TMEM132D: variants seen among roughly 807,000 people sequenced by gnomAD.
TMEM132D encodes the protein mature OL transmembrane protein.
A neutral mutation model predicts 62.3 loss-of-function variants in TMEM132D; 21 were observed. The ratio of observed to expected loss-of-function variants is 0.34; its 90% CI spans 0.24 to 0.49. TMEM132D has a LOEUF of 0.49. Ranked by LOEUF, TMEM132D falls within the 20% of genes least tolerant of loss-of-function variation. The probability of loss-of-function intolerance (pLI) is 0.99; values close to 1 mark genes in which losing one functional copy is unlikely to be tolerated. For synonymous variants in TMEM132D, 621 were observed against 575.6 expected, an observed-to-expected ratio of 1.08 and a Z score of -1.13; for missense variants, 1,346 against 1,402.8, an observed-to-expected ratio of 0.96 and a Z score of 0.65.
rs1428487088 is a variant in TMEM132D, at chr12:129,093,726, A to C, written c.1444-9024T>G. 2.0e-5 allele frequency among the ~76,000 whole-genome samples: 3 copies of C among 152,338 alleles called. No individual in the cohort carries two copies. The East Asian group carries it at 5.8e-4, about 29-fold the overall frequency. On this transcript the variant is annotated intron_variant, in intron 5 of 8. Coordinates refer to ENST00000422113, the MANE Select transcript of TMEM132D (RefSeq NM_133448.3). ...AACCAAAAAAGAGCCCGCATCACCAAGTCAATCCTAAGCCAAAAGAATGAA... is the reference window on the plus strand; with the variant it reads ...AACCAAAAAAGAGCCCGCATCACCACGTCAATCCTAAGCCAAAAGAATGAA...
intron 3 of TMEM132D, among the ~76,000 whole-genome samples, chr12:129,367,270 C>T (rs1870444696): frequency 6.6e-6 from 1 of 152,148 alleles, no homozygotes; most frequent in Admixed American, 6.5e-5. Flanking sequence ...GTCTGTCTGT[C>T]TATCCATCTA....
intron 4 of TMEM132D, among the ~76,000 whole-genome samples, chr12:129,273,961 A>T (rs1214210147): frequency 1.3e-5 from 2 of 151,804 alleles, no homozygotes; most frequent in Admixed American, 1.3e-4. Context: ...TTCAGGAGTC[A>T]ATATGTTTTT....
chr12:129,755,194 T>C (rs1436557730), intron 1 of TMEM132D, among the ~76,000 whole-genome samples: 1 of 152,202 alleles, frequency 6.6e-6, no homozygotes, highest in Non-Finnish European at 1.5e-5. Flanking sequence ...CATTAACTAG[T>C]GTTGCAGCTA....
At chr12:129,333,226 A>G (rs984222242) in intron 4 of TMEM132D, among the ~76,000 whole-genome samples, 5 of 152,246 alleles carry the variant, frequency 3.3e-5, no homozygotes, top group East Asian at 1.9e-4. Context: ...GGGTATCACT[A>G]TGCATAGCAA....
intron 2 of TMEM132D, among the ~76,000 whole-genome samples, chr12:129,531,732 C>T (rs917848693): frequency 3.9e-5 from 6 of 152,190 alleles, no homozygotes; most frequent in Non-Finnish European, 8.8e-5. Context: ...ATGATGGCCT[C>T]AAGTGATCCA....
At chr12:129,274,350 T>C (rs771855389) in intron 4 of TMEM132D, among the ~76,000 whole-genome samples, 3 of 152,174 alleles carry the variant, frequency 2.0e-5, no homozygotes, top group Non-Finnish European at 2.9e-5. Context: ...AGTTAGCACA[T>C]GGATAGTGCA....
chr12:129,848,162 C>G (rs1221348983), intron 1 of TMEM132D, among the ~76,000 whole-genome samples: 2 of 152,318 alleles, frequency 1.3e-5, no homozygotes, highest in Middle Eastern at 3.4e-3. Context: ...CCTCTCTGAA[C>G]CAAGGGTGCG....
intron 3 of TMEM132D, among the ~76,000 whole-genome samples, chr12:129,518,687 G>C (rs974276918): frequency 2.0e-5 from 3 of 151,978 alleles, no homozygotes; most frequent in African/African-American, 7.3e-5. Context: ...TAAATTGAGA[G>C]CATTTCCTCA....
chr12:129,200,129 A>G (rs1878660467), intron 5 of TMEM132D, among the ~76,000 whole-genome samples: 1 of 152,090 alleles, frequency 6.6e-6, no homozygotes, highest in African/African-American at 2.4e-5. Context: ...TTGGATCTCC[A>G]CTTAATGGAG....
chr12:129,291,930 T>C (rs1881459777), intron 4 of TMEM132D, among the ~76,000 whole-genome samples: 1 of 151,864 alleles, frequency 6.6e-6, no homozygotes, highest in African/African-American at 2.4e-5. Context: ...ATCAGAAGGA[T>C]AGAATACATG....
chr12:129,554,073 G>A lies in TMEM132D; in HGVS notation c.969-22868C>T, dbSNP rs543179994. On this transcript the variant is annotated intron_variant, in intron 2 of 8. Transcript: ENST00000422113. ...GTTTCTCCTCAACTAGGTATATGTCGGAATTCCTGTCTTCTCCATACTCCC... is the reference window on the plus strand; with the variant it reads ...GTTTCTCCTCAACTAGGTATATGTCAGAATTCCTGTCTTCTCCATACTCCC... 4.3e-4 allele frequency among the ~76,000 whole-genome samples: 66 copies of A among 152,108 alleles called. 1 individual carries two copies. In the South Asian group the frequency reaches 6.0e-3, roughly 14 times the overall value.
At chr12:129,526,569 C>T (rs959345884) in intron 3 of TMEM132D, among the ~76,000 whole-genome samples, 4 of 152,194 alleles carry the variant, frequency 2.6e-5, no homozygotes, top group African/African-American at 9.7e-5. Flanking sequence ...AGGCATGAGC[C>T]ACCACTCCCA....
intron 1 of TMEM132D, among the ~76,000 whole-genome samples, chr12:129,785,349 T>G (rs1310792801): frequency 6.6e-6 from 1 of 152,210 alleles, no homozygotes; most frequent in African/African-American, 2.4e-5. Flanking sequence ...CTGGGTTTGA[T>G]GTTTGCATTT....
intron 3 of TMEM132D, among the ~76,000 whole-genome samples, chr12:129,347,121 G>A (rs1431258087): frequency 6.6e-6 from 1 of 152,148 alleles, no homozygotes; most frequent in African/African-American, 2.4e-5. Flanking sequence ...TCGTGAAAAT[G>A]GCCATGCTGC....
At chr12:129,367,013 A>G (rs1438716079) in intron 3 of TMEM132D, among the ~76,000 whole-genome samples, 1 of 152,216 alleles carries the variant, frequency 6.6e-6, no homozygotes, top group Non-Finnish European at 1.5e-5. Context: ...AGCCTCTGAG[A>G]CAACGAATGG....
intron 1 of TMEM132D, among the ~76,000 whole-genome samples, chr12:129,736,696 G>A (rs1319098387): frequency 1.3e-5 from 2 of 151,968 alleles, no homozygotes; most frequent in East Asian, 3.9e-4. Flanking sequence ...CTTGTTCATT[G>A]CCTCCCATAA....
At chr12:129,786,073 G>T (rs973345974) in intron 1 of TMEM132D, among the ~76,000 whole-genome samples, 1 of 152,106 alleles carries the variant, frequency 6.6e-6, no homozygotes, top group Non-Finnish European at 1.5e-5. Flanking sequence ...ATGGTGCCAG[G>T]CCCAGTTTGT....
intron 3 of TMEM132D, among the ~76,000 whole-genome samples, chr12:129,434,580 CTCCCAGAGGAGGT>C (rs1736647561): frequency 6.6e-6 from 1 of 152,186 alleles, no homozygotes; most frequent in African/African-American, 2.4e-5. Flanking sequence ...GCAGAGGAGG[CTCCCAGAGGAGGT>C]AAGTCCTGAG....
At chr12:129,785,066 A>G (rs1396085066) in intron 1 of TMEM132D, among the ~76,000 whole-genome samples, 5 of 152,178 alleles carry the variant, frequency 3.3e-5, no homozygotes, top group African/African-American at 1.2e-4. Flanking sequence ...TTCCACAATC[A>G]TGAGCTTTCA....
Sources: gnomAD v4.1 joint callset for allele counts (sites outside exome capture counted in the v4.1 genomes callset) on GRCh38, gnomAD v4.1.1 for gene constraint, MANE v1.5 for transcripts, NCBI Gene and HGNC (gene_info 2026-07-23, HGNC 2026-07-21) for gene names.